EDDM13: variants seen among roughly 807,000 people sequenced by gnomAD.
EDDM13 encodes the protein epididymal protein 13.
In EDDM13, 24 loss-of-function variants were observed where a neutral mutation model predicts 17.8. The observed-to-expected ratio is 1.35, with a 90% CI of 0.98 to 1.90. The LOEUF is 1.90. EDDM13 is among the 40% of genes most tolerant of loss of function. The pLI is 0.00. For synonymous variants in EDDM13, 31 were observed against 37.5 expected (o/e 0.83, Z 0.63); for missense variants, 97 against 100.8 (o/e 0.96, Z 0.16).
intron 9 of EDDM13, among the ~76,000 whole-genome samples, chr19:56,292,989 T>C (rs2039619721): frequency 6.6e-6 from 1 of 152,194 alleles, no homozygotes; most frequent in Admixed American, 6.5e-5. Context: ...GGGTTGATTC[T>C]ACCTTTCGGC....
At chr19:56,302,489 C>A in intron 13 of EDDM13, among the ~76,000 whole-genome samples, 1 of 137,368 alleles carries the variant, frequency 7.3e-6, no homozygotes, top group South Asian at 2.5e-4. Flanking sequence ...CCTTCCCATC[C>A]TTCTTCCCTC....
intron 12 of EDDM13, among the ~76,000 whole-genome samples, chr19:56,298,897 T>C (rs779272700): frequency 6.6e-6 from 1 of 152,200 alleles, no homozygotes; most frequent in Non-Finnish European, 1.5e-5. Context: ...AAGGAAAATT[T>C]CAGGCCAATC....
chr19:56,293,713 A>G (rs2039673133), intron 9 of EDDM13, among the ~76,000 whole-genome samples: 1 of 152,134 alleles, frequency 6.6e-6, no homozygotes, highest in African/African-American at 2.4e-5. Context: ...TTCGCCCCTC[A>G]GGGGACACCT....
intron 12 of EDDM13, among the ~76,000 whole-genome samples, chr19:56,298,925 T>C (rs1568719170): frequency 6.6e-6 from 1 of 152,188 alleles, no homozygotes. Context: ...TAAATATAGA[T>C]GGAAAATCCT....
rs201988390 is a variant in EDDM13, at chr19:56,302,648, TC to T, written c.423+560del. Among the ~76,000 whole-genome samples, 20 of 120,100 alleles carry T rather than the reference TC, an allele frequency of 1.7e-4. No homozygotes were observed. The South Asian group carries it at 1.7e-3, about 11-fold the overall frequency. The allele number at this position is 120,100 out of a possible 152,430, so 78.8% of individuals were successfully genotyped here. ...CTCCCTCCTCCTCCCTTCCTTTTCT[TC>T]CCCCCCTCCCTGTTCTTTCCTTCCT... On this transcript the variant is annotated intron_variant, in intron 13 of 14. Coordinates refer to ENST00000649256, the MANE Select transcript of EDDM13 (RefSeq NM_001354658.2).
At chr19:56,273,740 G>T (rs1457551357) in intron 1 of EDDM13, among the ~76,000 whole-genome samples, 1 of 152,142 alleles carries the variant, frequency 6.6e-6, no homozygotes, top group Non-Finnish European at 1.5e-5. Context: ...AGTAAGAAGA[G>T]ACAGGAGGCA....
At chr19:56,289,570 T>C (rs1212020099) in intron 8 of EDDM13, among the ~76,000 whole-genome samples, 1 of 152,200 alleles carries the variant, frequency 6.6e-6, no homozygotes, top group African/African-American at 2.4e-5. Flanking sequence ...TGGCACATAG[T>C]TGGACCACAC....
At chr19:56,290,584 C>T (rs988831530) in intron 8 of EDDM13, among the ~76,000 whole-genome samples, 4 of 152,214 alleles carry the variant, frequency 2.6e-5, no homozygotes, top group East Asian at 1.9e-4. Context: ...TTGGGTTGGA[C>T]ACGGTGGCTC....
intron 9 of EDDM13, among the ~76,000 whole-genome samples, chr19:56,293,104 T>A (rs78470743): frequency 4.6e-5 from 7 of 152,160 alleles, no homozygotes; most frequent in Non-Finnish European, 8.8e-5. Context: ...CCCACTTCTA[T>A]GCAGCTTGAG....
chr19:56,279,343 T>G (rs2038505438), intron 2 of EDDM13, among the ~76,000 whole-genome samples: 1 of 152,146 alleles, frequency 6.6e-6, no homozygotes, highest in Admixed American at 6.5e-5. Flanking sequence ...GGACTGTACT[T>G]TACTCAATCT....
chr19:56,300,977 GAA>G (rs1472489727), intron 12 of EDDM13, among the ~76,000 whole-genome samples: 2 of 152,292 alleles, frequency 1.3e-5, no homozygotes, highest in East Asian at 1.9e-4. Context: ...AGATGGATGA[GAA>G]AGAGAAAGGA....
chr19:56,288,821 TCTCTA>T (rs2039317971), intron 7 of EDDM13, among the ~76,000 whole-genome samples, 48 bp from the exon 8 acceptor site: 1 of 152,198 alleles, frequency 6.6e-6, no homozygotes, highest in Non-Finnish European at 1.5e-5. Context: ...TTGATTTCTC[TCTCTA>T]CTCTGCCCCT....
chr19:56,304,254 C>T (rs118153660), intron 13 of EDDM13, among the ~76,000 whole-genome samples: 10 of 152,272 alleles, frequency 6.6e-5, no homozygotes, highest in African/African-American at 1.7e-4. Context: ...ACTGCTTATG[C>T]GCTGGGTGTG....
chr19:56,292,667 T>C (rs1219036946), intron 9 of EDDM13, among the ~76,000 whole-genome samples: 4 of 152,042 alleles, frequency 2.6e-5, no homozygotes, highest in African/African-American at 9.7e-5. Context: ...ACTCCAGAAC[T>C]TTATAATCAC....
intron 6 of EDDM13, among the ~76,000 whole-genome samples, chr19:56,286,951 C>G (rs554984485): frequency 6.6e-6 from 1 of 152,248 alleles, no homozygotes. Flanking sequence ...GTTTTCTTCC[C>G]GGTAAACCAG....
chr19:56,295,588 C>T (rs1435167308), intron 9 of EDDM13, among the ~76,000 whole-genome samples: 6 of 152,076 alleles, frequency 3.9e-5, no homozygotes, highest in Admixed American at 3.3e-4. Flanking sequence ...GAGCAAGACT[C>T]CGTCTAAAAA....
intron 5 of EDDM13, 66 bp from the exon 6 acceptor site, chr19:56,284,932 A>C: frequency 1.2e-6 from 1 of 830,422 alleles, no homozygotes; most frequent in Non-Finnish European, 1.5e-6. Context: ...ACTGGGAGAA[A>C]TCCATTAATT....
At chr19:56,279,819 T>C (rs2038547754) in intron 2 of EDDM13, among the ~76,000 whole-genome samples, 1 of 152,204 alleles carries the variant, frequency 6.6e-6, no homozygotes, top group South Asian at 2.1e-4. Context: ...TTTGTTTCAA[T>C]TTAAAATATT....
intron 6 of EDDM13, among the ~76,000 whole-genome samples, chr19:56,288,013 A>G (rs766894870): frequency 3.3e-5 from 5 of 152,080 alleles, no homozygotes; most frequent in Non-Finnish European, 7.4e-5. Context: ...TTATGATTCC[A>G]CTTTTCTGAT....
Sources: gnomAD v4.1 joint callset for allele counts (sites outside exome capture counted in the v4.1 genomes callset) on GRCh38, gnomAD v4.1.1 for gene constraint, MANE v1.5 for transcripts, NCBI Gene and HGNC (gene_info 2026-07-23, HGNC 2026-07-21) for gene names.